ASB18: variants seen among roughly 807,000 people sequenced by gnomAD.
ASB18 encodes ankyrin repeat and SOCS box containing 18, also known as ankyrin repeat and SOCS box protein 18.
A neutral mutation model predicts 33.4 loss-of-function variants in ASB18; 33 were observed. The ratio of observed to expected loss-of-function variants is 0.99; its 90% confidence interval spans 0.75 to 1.32. The LOEUF (loss-of-function observed/expected upper bound fraction) is 1.32. Among genes scored for constraint, ASB18 ranks in the 40% most tolerant of loss-of-function variants. The pLI, the probability that ASB18 is intolerant of heterozygous loss-of-function variation, is 0.00. For missense variants in ASB18, 694 were observed against 655.5 expected (o/e 1.06, Z -0.64); for synonymous variants, 295 against 307.6 (o/e 0.96, Z 0.43).
In ASB18 at chr2:236,241,611, T is replaced by C. The variant is rs574312544; in HGVS notation, c.206-209A>G. 1.8e-4 allele frequency: 121 copies of C among 668,368 alleles called. No individual in the cohort carries two copies. The East Asian group carries it at 3.2e-3, about 18-fold the overall frequency. The allele number at this position is 668,368 out of a possible 1,614,324, so 41.4% of individuals were successfully genotyped here. On this transcript the variant is annotated intron_variant, in intron 1 of 5. Transcript: ENST00000409749. The surrounding 1 kb of genome is among the most constrained non-coding windows in gnomAD (Gnocchi z 4.2). ...TATTTCTATTGTCATTACTCAATTG[T>C]CATCCAGTTGGGGCTCGATGGTGGT...
chr2:236,241,238 C>A lies in ASB18; in HGVS notation c.328+42G>T. The A allele has an allele frequency of 3.7e-6, 6 of 1,604,932 alleles. No individual in the cohort carries two copies. The highest frequency in any genetic ancestry group is 5.1e-6 in the Non-Finnish European group (6 of 1,172,852). On this transcript the variant is annotated intron_variant, in intron 2 of 5. Coordinates refer to ENST00000409749, the MANE Select transcript of ASB18 (RefSeq NM_212556.4). This position sits in a 1 kb window ranked among gnomAD's most constrained non-coding sequence, Gnocchi z 4.2. ...TTACACTCCCAGAGAGTATTAGTAG[C>A]CCCTTAAAAATAAATGACTGAGCTT...
At position 236,252,267 on chromosome 2, in the gene ASB18, TCACACACACACACACA is replaced by T. The variant is rs113672805; in HGVS notation, c.206-10881_206-10866del. The stretch of plus-strand genomic sequence containing the variant: ...GCCTTGGCAACAGAGTGAGACTCCG[TCACACACACACACACA>T]CACACACACACACACACACACACAC... On this transcript the variant is annotated intron_variant, in intron 1 of 5. Transcript: ENST00000409749. The surrounding 1 kb of genome is among the most constrained non-coding windows in gnomAD (Gnocchi z 7.9). Among the ~76,000 whole-genome samples the T allele has an allele frequency of 2.2e-3, 302 of 138,674 alleles. 1 individual carries two copies. Among genetic ancestry groups the T allele is most frequent in the African/African-American group, 7.0e-3 (272 of 38,882 alleles). 91.0% of individuals were successfully genotyped at this position (138,674 alleles called of 152,430 possible).
rs914048686 is a variant in ASB18, at chr2:236,222,901, T to C, written c.597-8035A>G. Among the ~76,000 whole-genome samples the C allele has an allele frequency of 6.6e-6, 1 of 152,162 alleles. No homozygotes were observed. Among genetic ancestry groups the C allele is most frequent in the Non-Finnish European group, 1.5e-5 (1 of 68,024 alleles). ...TGGGTGTGGTGGCGCACACCTGTAG[T>C]CCCAGCTACTTGGGAAGCTGAAGCA... On this transcript the variant is annotated intron_variant, in intron 3 of 5. Coordinates refer to ENST00000409749, the MANE Select transcript of ASB18 (RefSeq NM_212556.4). The surrounding 1 kb of genome is among the most constrained non-coding windows in gnomAD (Gnocchi z 5.5).
Position 236,214,151 on chromosome 2 carries a change from A to G in ASB18, c.1101+211T>C, listed in dbSNP as rs2060472094. ...CCCCTGTTCCTCAAAATGGGGTCCC[A>G]GGAACAGCAGTCTAGGCCACACCCG... On this transcript the variant is annotated intron_variant, in intron 4 of 5. Transcript: ENST00000409749. The surrounding 1 kb of genome is among the most constrained non-coding windows in gnomAD (Gnocchi z 6.5). The G allele has an allele frequency of 1.8e-6, 1 of 564,558 alleles. No individual in the cohort carries two copies. Among genetic ancestry groups the G allele is most frequent in the South Asian group, 2.2e-5 (1 of 46,206 alleles). The allele number at this position is 564,558 out of a possible 1,614,324, so 35.0% of individuals were successfully genotyped here.
rs1298767856 is a variant in ASB18, at chr2:236,257,192, G to A, written c.205+6949C>T. On this transcript the variant is annotated intron_variant, in intron 1 of 5. Transcript: ENST00000409749. This position sits in a 1 kb window ranked among gnomAD's most constrained non-coding sequence, Gnocchi z 5.5. ...GGGACAATAATTTGTGCATAATTCC[G>A]GATCTTTTCCTGGCTTGTGAATCAA... Among the ~76,000 whole-genome samples, 3 of 152,180 alleles carry A rather than the reference G, an allele frequency of 2.0e-5. No individual in the cohort carries two copies. Among genetic ancestry groups the A allele is most frequent in the Non-Finnish European group, 4.4e-5 (3 of 68,032 alleles).
At chr2:236,207,368 C>A (rs766325046) in intron 4 of ASB18, among the ~76,000 whole-genome samples, 18 of 152,318 alleles carry the variant, frequency 1.2e-4, no homozygotes, top group Non-Finnish European at 2.5e-4. Context: ...TTCATCTTAA[C>A]CAGTACTGTT....
In ASB18 at chr2:236,263,754, A is replaced by C. The variant is rs140189749; in HGVS notation, c.205+387T>G. Reference sequence around the variant, plus strand: ...ATTTCAGTAGGGGATTGAAATTGGGAAGACTATGTAGCAACATGGAAAATG... The same window carrying C: ...ATTTCAGTAGGGGATTGAAATTGGGCAGACTATGTAGCAACATGGAAAATG... On this transcript the variant is annotated intron_variant, in intron 1 of 5. Transcript: ENST00000409749. The surrounding 1 kb of genome is among the most constrained non-coding windows in gnomAD (Gnocchi z 4.0). Among the ~76,000 whole-genome samples, 63 of 152,308 alleles carry C rather than the reference A, an allele frequency of 4.1e-4. No homozygotes were observed. Among genetic ancestry groups the C allele is most frequent in the African/African-American group, 1.4e-3 (57 of 41,562 alleles).
chr2:236,241,216 C>G lies in ASB18; in HGVS notation c.328+64G>C, dbSNP rs887170942. On this transcript the variant is annotated intron_variant, in intron 2 of 5. Coordinates refer to ENST00000409749, the MANE Select transcript of ASB18 (RefSeq NM_212556.4). The surrounding 1 kb of genome is among the most constrained non-coding windows in gnomAD (Gnocchi z 4.2). ...GCCCAGTCTACACACGGGAGCCTTACACTCCCAGAGAGTATTAGTAGCCCC... is the reference window on the plus strand; with the variant it reads ...GCCCAGTCTACACACGGGAGCCTTAGACTCCCAGAGAGTATTAGTAGCCCC... 5.9e-6 allele frequency: 9 copies of G among 1,528,468 alleles called. No homozygotes were observed. The highest frequency in any genetic ancestry group is 8.1e-6 in the Non-Finnish European group (9 of 1,109,336). The allele number at this position is 1,528,468 out of a possible 1,614,324, so 94.7% of individuals were successfully genotyped here.
rs182182983 is a variant in ASB18, at chr2:236,263,967, G to A, written c.205+174C>T. Among the ~76,000 whole-genome samples the A allele has an allele frequency of 1.2e-4, 18 of 152,272 alleles. No individual in the cohort carries two copies. Among genetic ancestry groups the A allele is most frequent in the East Asian group, 5.8e-4 (3 of 5,178 alleles). On this transcript the variant is annotated intron_variant, in intron 1 of 5. Coordinates refer to ENST00000409749, the MANE Select transcript of ASB18 (RefSeq NM_212556.4). The surrounding 1 kb of genome is among the most constrained non-coding windows in gnomAD (Gnocchi z 4.0). ...TGCACTTGTTGCTTATGTCGCACACGCATGTACATGGTCTATGCAGTACAC... is the reference window on the plus strand; with the variant it reads ...TGCACTTGTTGCTTATGTCGCACACACATGTACATGGTCTATGCAGTACAC...
Position 236,235,699 on chromosome 2 carries a change from T to C in ASB18, c.596+1990A>G, listed in dbSNP as rs1200316793. Among the ~76,000 whole-genome samples the C allele has an allele frequency of 2.6e-5, 4 of 152,124 alleles. No homozygotes were observed. Among genetic ancestry groups the C allele is most frequent in the South Asian group, 2.1e-4 (1 of 4,820 alleles). ...CAACTTTCAAAACTAGTTGGGCCAT[T>C]TATTAGTTATTGTTATTATTATTTG... On this transcript the variant is annotated intron_variant, in intron 3 of 5. Coordinates refer to ENST00000409749, the MANE Select transcript of ASB18 (RefSeq NM_212556.4). The surrounding 1 kb of genome is among the most constrained non-coding windows in gnomAD (Gnocchi z 6.2).
Position 236,203,480 on chromosome 2 carries a change from T to G in ASB18, c.1102-7095A>C, listed in dbSNP as rs968324842. ...CAGGAGAGGAAAGCAGGGAAGACCA[T>G]GGAGTCCATTATCTGCCTGAGAAGG... On this transcript the variant is annotated intron_variant, in intron 4 of 5. Coordinates refer to ENST00000409749, the MANE Select transcript of ASB18 (RefSeq NM_212556.4). The surrounding 1 kb of genome is among the most constrained non-coding windows in gnomAD (Gnocchi z 6.0). 2.0e-5 allele frequency among the ~76,000 whole-genome samples: 3 copies of G among 152,118 alleles called. No individual in the cohort carries two copies. Among genetic ancestry groups the G allele is most frequent in the African/African-American group, 7.2e-5 (3 of 41,434 alleles).
chr2:236,227,667 A>G lies in ASB18; in HGVS notation c.596+10022T>C, dbSNP rs116358050. Among the ~76,000 whole-genome samples, 392 of 152,330 alleles carry G rather than the reference A, an allele frequency of 2.6e-3. 4 individuals carry two copies. Among genetic ancestry groups the G allele is most frequent in the African/African-American group, 9.0e-3 (373 of 41,580 alleles). On this transcript the variant is annotated intron_variant, in intron 3 of 5. Transcript: ENST00000409749. Reference sequence around the variant, plus strand: ...GAAAATGTGATCAAACTTGAATGCAATCAATACACAATTGAATAATTTTGC... The same window carrying G: ...GAAAATGTGATCAAACTTGAATGCAGTCAATACACAATTGAATAATTTTGC...
Position 236,214,578 on chromosome 2 carries a change from G to A in ASB18, c.885C>T (p.Ser295=), listed in dbSNP as rs1269892200. The A allele has an allele frequency of 1.5e-6, 2 of 1,324,350 alleles. No individual in the cohort carries two copies. The highest frequency in any genetic ancestry group is 1.9e-6 in the Non-Finnish European group (2 of 1,044,958). 82.0% of individuals were successfully genotyped at this position (1,324,350 alleles called of 1,614,324 possible). ...CGTGGCCGCAGGCTTTGTGCAGCGG[G>A]CTGCGCTCGTCCTCGTCGCGCGCGT... The part of the protein sequence containing the change: ...EADARDEDER[S]PLHKACGHAS... The change falls in exon 4 of 6, where the codon AGC becomes AGT. Residue 295 remains serine (S), a synonymous_variant. Coordinates refer to ENST00000409749, the MANE Select transcript of ASB18 (RefSeq NM_212556.4). The surrounding 1 kb of genome is among the most constrained non-coding windows in gnomAD (Gnocchi z 6.5).
In ASB18 at chr2:236,207,953, CTT is replaced by C. The variant is rs1656588654; in HGVS notation, c.1101+6407_1101+6408del. 3.3e-5 allele frequency among the ~76,000 whole-genome samples: 5 copies of C among 152,102 alleles called. No individual in the cohort carries two copies. The South Asian group carries it at 1.0e-3, about 32-fold the overall frequency. ...TTGTTGCTGTGGATTTCCTCTCTCTCTTTCCCTCCTTTTCTTTCTTCCTTCCT... is the reference window on the plus strand; with the variant it reads ...TTGTTGCTGTGGATTTCCTCTCTCTCTCCCTCCTTTTCTTTCTTCCTTCCT... On this transcript the variant is annotated intron_variant, in intron 4 of 5. Coordinates refer to ENST00000409749, the MANE Select transcript of ASB18 (RefSeq NM_212556.4).
chr2:236,197,020 C>A (rs1279105210), intron 4 of ASB18, among the ~76,000 whole-genome samples: 2 of 151,704 alleles, frequency 1.3e-5, no homozygotes, highest in Admixed American at 6.6e-5. Flanking sequence ...GAAGTTTGAA[C>A]CTTCATACAA....
At chr2:236,212,458 A>C (rs1176887262) in intron 4 of ASB18, among the ~76,000 whole-genome samples, 2 of 152,230 alleles carry the variant, frequency 1.3e-5, no homozygotes, top group Non-Finnish European at 2.9e-5. Flanking sequence ...AATTGAAACA[A>C]TTTCAAGGCT....
In ASB18 at chr2:236,204,372, T is replaced by C. The variant is rs911257300; in HGVS notation, c.1102-7987A>G. Among the ~76,000 whole-genome samples, 1 of 152,216 alleles carries C rather than the reference T, an allele frequency of 6.6e-6. No individual in the cohort carries two copies. The highest frequency in any genetic ancestry group is 2.4e-5 in the African/African-American group (1 of 41,470). On this transcript the variant is annotated intron_variant, in intron 4 of 5. Coordinates refer to ENST00000409749, the MANE Select transcript of ASB18 (RefSeq NM_212556.4). This position sits in a 1 kb window ranked among gnomAD's most constrained non-coding sequence, Gnocchi z 5.1. ...TGTGCTCTCATTCCTTCCACCTCAC[T>C]GGTTGCCCCTCCTCGGTTTCCTTAG...
chr2:236,243,285 G>A (rs1362138171), intron 1 of ASB18, among the ~76,000 whole-genome samples: 7 of 147,462 alleles, frequency 4.7e-5, no homozygotes, highest in African/African-American at 1.5e-4. Context: ...AGCCGAGATC[G>A]TGCCACTGCA....
At chr2:236,206,790 G>A (rs2106265570) in intron 4 of ASB18, among the ~76,000 whole-genome samples, 1 of 152,340 alleles carries the variant, frequency 6.6e-6, no homozygotes, top group African/African-American at 2.4e-5. Flanking sequence ...AGGTGAAGTA[G>A]CCTAGAGATT....
Sources: gnomAD v4.1 joint callset for allele counts (sites outside exome capture counted in the v4.1 genomes callset) on GRCh38, gnomAD v4.1.1 for gene constraint, Gnocchi (gnomAD v3.1) non-coding constraint, MANE v1.5 for transcripts, NCBI Gene and HGNC (gene_info 2026-07-23, HGNC 2026-07-21) for gene names.